Variants in NAALADL2 observed in about 807,000 individuals in gnomAD.
The protein encoded by NAALADL2 is inactive N-acetylated-alpha-linked acidic dipeptidase-like protein 2.
Under a neutral mutation model 87.2 loss-of-function variants are expected in NAALADL2, and 76 were observed. The observed-to-expected ratio is 0.87, with a 90% CI of 0.72 to 1.05. NAALADL2 has a LOEUF of 1.05. Ranked by LOEUF, NAALADL2 falls within the 50% of genes least tolerant of loss-of-function variation. The probability of loss-of-function intolerance (pLI) is 0.00; values close to 1 mark genes in which losing one functional copy is unlikely to be tolerated. For missense variants in NAALADL2, 1,089 were observed against 945.8 expected, an observed-to-expected ratio of 1.15 and a Z score of -1.99; for synonymous variants, 354 against 331.0, an observed-to-expected ratio of 1.07 and a Z score of -0.75.
Position 175,459,571 on chromosome 3 carries a change from C to A in NAALADL2, c.1235-3830C>A, listed in dbSNP as rs551325134. Among the ~76,000 whole-genome samples, 37 of 151,230 alleles carry A rather than the reference C, an allele frequency of 2.4e-4. 1 individual carries two copies. The highest frequency in any genetic ancestry group is 1.8e-3 in the Admixed American group (27 of 15,168). On this transcript the variant is annotated intron_variant, in intron 6 of 13. Coordinates refer to ENST00000454872, the MANE Select transcript of NAALADL2 (RefSeq NM_207015.3). Reference sequence around the variant, plus strand: ...TTTCCAGAAAAAAAGGAAAAAAAAACCACACGTATATATTTTATAGTTAAA... The same window carrying A: ...TTTCCAGAAAAAAAGGAAAAAAAAAACACACGTATATATTTTATAGTTAAA...
intron 3 of NAALADL2, among the ~76,000 whole-genome samples, chr3:174,785,723 G>T (rs1233442076): frequency 1.3e-5 from 2 of 152,266 alleles, no homozygotes; most frequent in South Asian, 4.1e-4. Context: ...ACAGAATACA[G>T]TCATAGTGAT....
chr3:175,410,319 A>G (rs1347936361), intron 5 of NAALADL2, among the ~76,000 whole-genome samples: 1 of 152,142 alleles, frequency 6.6e-6, no homozygotes, highest in East Asian at 1.9e-4. Flanking sequence ...ACATTTCTTA[A>G]AAGTTGTTTA....
At chr3:174,757,633 A>AG (rs1291648929) in intron 3 of NAALADL2, among the ~76,000 whole-genome samples, 1 of 152,008 alleles carries the variant, frequency 6.6e-6, no homozygotes, top group Non-Finnish European at 1.5e-5. Context: ...CGGGGACTAC[A>AG]GGTACGCACC....
At chr3:174,505,000 C>A (rs1002313215) in intron 1 of NAALADL2, among the ~76,000 whole-genome samples, 3 of 152,138 alleles carry the variant, frequency 2.0e-5, no homozygotes, top group Non-Finnish European at 4.4e-5. Flanking sequence ...TCCAAGTACA[C>A]AAATTGGTCA....
chr3:175,502,251 G>C (rs1729659376), intron 9 of NAALADL2, among the ~76,000 whole-genome samples: 1 of 151,900 alleles, frequency 6.6e-6, no homozygotes, highest in South Asian at 2.1e-4. Context: ...GTGTGTGTGT[G>C]TGTGTCTGTG....
chr3:174,944,277 T>G (rs1739070417), intron 1 of NAALADL2, among the ~76,000 whole-genome samples: 3 of 152,134 alleles, frequency 2.0e-5, no homozygotes, highest in Admixed American at 2.0e-4. Context: ...GGGAACAGGA[T>G]CAGGCACCTA....
intron 4 of NAALADL2, among the ~76,000 whole-genome samples, chr3:175,289,080 T>G (rs1029896297): frequency 2.6e-5 from 4 of 152,318 alleles, no homozygotes; most frequent in African/African-American, 9.6e-5. Flanking sequence ...ATGGTTTATG[T>G]AAGAATTTGA....
intron 1 of NAALADL2, among the ~76,000 whole-genome samples, chr3:174,956,122 T>C (rs1204722961): frequency 6.6e-6 from 1 of 152,042 alleles, no homozygotes; most frequent in African/African-American, 2.4e-5. Context: ...TCAAACCTCT[T>C]AGCAGTTTAA....
At chr3:174,838,405 T>C (rs537703036) in intron 3 of NAALADL2, among the ~76,000 whole-genome samples, 33 of 152,188 alleles carry the variant, frequency 2.2e-4, no homozygotes, top group South Asian at 4.2e-4. Context: ...TGGGGAAAAG[T>C]TGAAATCATT....
intron 2 of NAALADL2, among the ~76,000 whole-genome samples, chr3:174,583,061 C>CT (rs1238192025): frequency 2.0e-5 from 3 of 152,136 alleles, no homozygotes; most frequent in African/African-American, 7.2e-5. Flanking sequence ...CCATATTTGC[C>CT]TTTTTTATTG....
At chr3:175,685,062 T>C (rs977080695) in intron 11 of NAALADL2, among the ~76,000 whole-genome samples, 10 of 152,210 alleles carry the variant, frequency 6.6e-5, no homozygotes, top group African/African-American at 2.2e-4. Context: ...CCTGGCATGG[T>C]TAACTCTTGA....
At chr3:175,423,051 A>ATTTT (rs201372383) in intron 5 of NAALADL2, among the ~76,000 whole-genome samples, 5 of 91,496 alleles carry the variant, frequency 5.5e-5, no homozygotes, top group South Asian at 8.7e-4. Flanking sequence ...ATATATATAT[A>ATTTT]TTTTTTTTTT....
At chr3:175,536,736 A>T (rs969849376) in intron 9 of NAALADL2, among the ~76,000 whole-genome samples, 2 of 152,190 alleles carry the variant, frequency 1.3e-5, no homozygotes, top group African/African-American at 4.8e-5. Flanking sequence ...GATGGTTGCG[A>T]TCTCCTGACC....
At chr3:175,255,104 G>C (rs187044807) in intron 3 of NAALADL2, among the ~76,000 whole-genome samples, 292 of 152,298 alleles carry the variant, frequency 1.9e-3, no homozygotes, top group Middle Eastern at 0.017. Flanking sequence ...GGCAAAAACA[G>C]ATTACTCTGG....
intron 2 of NAALADL2, among the ~76,000 whole-genome samples, chr3:174,733,170 G>A (rs1036338145): frequency 6.6e-6 from 1 of 152,106 alleles, no homozygotes; most frequent in African/African-American, 2.4e-5. Flanking sequence ...ACACTTAAGT[G>A]AGATAATCAT....
intron 11 of NAALADL2, among the ~76,000 whole-genome samples, chr3:175,672,169 A>C (rs918866909): frequency 1.2e-4 from 18 of 152,158 alleles, no homozygotes; most frequent in Admixed American, 5.2e-4. Flanking sequence ...AACTGGAGTC[A>C]AGAGTTAATC....
At chr3:174,559,833 A>C (rs1713361087) in intron 2 of NAALADL2, among the ~76,000 whole-genome samples, 1 of 152,130 alleles carries the variant, frequency 6.6e-6, no homozygotes, top group South Asian at 2.1e-4. Context: ...TGTCACATTG[A>C]GGATTAAGAT....
At position 174,929,681 on chromosome 3, in the gene NAALADL2, C is replaced by T. The variant is rs142974420; in HGVS notation, c.43+70231C>T. Among the ~76,000 whole-genome samples, 927 of 152,050 alleles carry T rather than the reference C, an allele frequency of 6.1e-3. 12 individuals carry two copies. Among genetic ancestry groups the T allele is most frequent in the African/African-American group, 0.02 (826 of 41,484 alleles). The stretch of plus-strand genomic sequence containing the variant: ...CTTTCATAACTGCTTCAGTTTACAC[C>T]GTTGGACTATGTATAGGAGTGGAAT... On this transcript the variant is annotated intron_variant, in intron 1 of 13. Coordinates refer to ENST00000454872, the MANE Select transcript of NAALADL2 (RefSeq NM_207015.3).
intron 1 of NAALADL2, among the ~76,000 whole-genome samples, chr3:174,943,909 G>A (rs1221412078): frequency 6.6e-6 from 1 of 152,160 alleles, no homozygotes; most frequent in Non-Finnish European, 1.5e-5. Flanking sequence ...GCCCCTGGAG[G>A]CTCTGCCCAG....
Sources: gnomAD v4.1 joint callset for allele counts (sites outside exome capture counted in the v4.1 genomes callset) on GRCh38, gnomAD v4.1.1 for gene constraint, MANE v1.5 for transcripts, NCBI Gene and HGNC (gene_info 2026-07-23, HGNC 2026-07-21) for gene names.